Variants in CDH13 observed in about 807,000 individuals in gnomAD.
CDH13 encodes the protein cadherin-13.
A neutral mutation model predicts 63.8 loss-of-function variants in CDH13; 24 were observed. The observed-to-expected ratio is 0.38, with a 90% confidence interval of 0.27 to 0.53. The LOEUF is 0.53. Among genes scored for constraint, CDH13 ranks in the 20% least tolerant of loss-of-function variants. The pLI, the probability that CDH13 is intolerant of heterozygous loss-of-function variation, is 0.85. For synonymous variants in CDH13, 503 were observed against 355.3 expected (o/e 1.42, Z -4.67); for missense variants, 1,049 against 903.1 (o/e 1.16, Z -2.07).
In CDH13 at chr16:82,660,629, A is replaced by G. The variant is rs534328598; in HGVS notation, c.45+33492A>G. On this transcript the variant is annotated intron_variant, in intron 1 of 13. Coordinates refer to ENST00000567109, the MANE Select transcript of CDH13 (RefSeq NM_001257.5). Reference sequence around the variant, plus strand: ...AGGGAAGCTTCCAGAAGGTTGAGTTATATTTAAGCCCTTTCACTGTATACC... The same window carrying G: ...AGGGAAGCTTCCAGAAGGTTGAGTTGTATTTAAGCCCTTTCACTGTATACC... Among the ~76,000 whole-genome samples the G allele has an allele frequency of 7.2e-5, 11 of 152,314 alleles. No individual in the cohort carries two copies. In the South Asian group the frequency reaches 2.1e-3, roughly 29 times the overall value.
chr16:83,682,655 C>T (rs983110701), intron 10 of CDH13, among the ~76,000 whole-genome samples: 2 of 152,284 alleles, frequency 1.3e-5, no homozygotes, highest in South Asian at 4.2e-4. Context: ...CTCACTCCTC[C>T]TCCTTCCTCT....
intron 1 of CDH13, among the ~76,000 whole-genome samples, chr16:82,810,116 A>G (rs2037367010): frequency 6.6e-6 from 1 of 152,222 alleles, no homozygotes; most frequent in Admixed American, 6.5e-5. Flanking sequence ...TCGAAGTAAG[A>G]AACCTTTTCT....
intron 5 of CDH13, among the ~76,000 whole-genome samples, chr16:83,241,164 C>A (rs1170774496): frequency 6.6e-6 from 1 of 152,148 alleles, no homozygotes; most frequent in Admixed American, 6.5e-5. Flanking sequence ...ACAGGATTTT[C>A]TTCTTTTTCA....
At chr16:83,013,062 C>T (rs1222127301) in intron 2 of CDH13, among the ~76,000 whole-genome samples, 3 of 152,186 alleles carry the variant, frequency 2.0e-5, no homozygotes, top group Non-Finnish European at 4.4e-5. Context: ...TAGAGCAGAT[C>T]TCTTGCAAAA....
At chr16:83,579,736 A>C (rs1905379082) in intron 7 of CDH13, among the ~76,000 whole-genome samples, 1 of 152,084 alleles carries the variant, frequency 6.6e-6, no homozygotes, top group African/African-American at 2.4e-5. Context: ...ATGGAGTCAC[A>C]GCCCTTGATA....
At chr16:82,993,187 A>G (rs966492553) in intron 2 of CDH13, among the ~76,000 whole-genome samples, 43 of 152,132 alleles carry the variant, frequency 2.8e-4, no homozygotes, top group Admixed American at 8.5e-4. Flanking sequence ...CTAACATTTT[A>G]TGACTATTCT....
At chr16:82,718,748 G>C (rs1052534153) in intron 1 of CDH13, among the ~76,000 whole-genome samples, 1 of 152,138 alleles carries the variant, frequency 6.6e-6, no homozygotes, top group African/African-American at 2.4e-5. Flanking sequence ...GATCTCGTGA[G>C]ACGATCACAA....
intron 9 of CDH13, among the ~76,000 whole-genome samples, chr16:83,673,486 G>A (rs566549051): frequency 6.6e-6 from 1 of 152,152 alleles, no homozygotes; most frequent in South Asian, 2.1e-4. Context: ...TCACCCACAT[G>A]TTACCCTTAA....
chr16:83,768,808 C>A (rs1914572691), intron 11 of CDH13, among the ~76,000 whole-genome samples: 1 of 151,956 alleles, frequency 6.6e-6, no homozygotes, highest in Non-Finnish European at 1.5e-5. Flanking sequence ...ACTCTCATCG[C>A]CATCTTGGTC....
chr16:83,693,826 G>A (rs1045281498), intron 10 of CDH13, among the ~76,000 whole-genome samples: 10 of 152,200 alleles, frequency 6.6e-5, no homozygotes, highest in Admixed American at 3.3e-4. Context: ...AAATTTATCA[G>A]TATTTTAAGA....
chr16:83,723,359 G>A (rs545538566), intron 10 of CDH13, among the ~76,000 whole-genome samples: 4 of 152,314 alleles, frequency 2.6e-5, no homozygotes, highest in Admixed American at 2.6e-4. Flanking sequence ...AGATACTAAA[G>A]GGCTGAGCCA....
At chr16:82,922,578 C>G (rs963422330) in intron 2 of CDH13, among the ~76,000 whole-genome samples, 26 of 152,178 alleles carry the variant, frequency 1.7e-4, no homozygotes, top group African/African-American at 5.8e-4. Context: ...GCTGCTATAA[C>G]AGGTATGCCT....
At position 83,278,689 on chromosome 16, in the gene CDH13, T is replaced by G. The variant is rs527608264; in HGVS notation, c.636+61192T>G. Among the ~76,000 whole-genome samples, 11 of 152,288 alleles carry G rather than the reference T, an allele frequency of 7.2e-5. No individual in the cohort carries two copies. The East Asian group carries it at 2.1e-3, about 29-fold the overall frequency. ...TTGAGGTGGCATTATTCCAGGGTAG[T>G]CTTTCATATGTCAGCAGAGAAGAGA... On this transcript the variant is annotated intron_variant, in intron 5 of 13. Coordinates refer to ENST00000567109, the MANE Select transcript of CDH13 (RefSeq NM_001257.5).
chr16:83,702,093 C>T (rs1567529452), intron 10 of CDH13, among the ~76,000 whole-genome samples: 1 of 152,314 alleles, frequency 6.6e-6, no homozygotes, highest in East Asian at 1.9e-4. Context: ...TGTAATCTGT[C>T]AAGAATCATC....
chr16:83,627,530 T>G (rs1248676148), intron 8 of CDH13, among the ~76,000 whole-genome samples: 1 of 152,078 alleles, frequency 6.6e-6, no homozygotes, highest in Admixed American at 6.5e-5. Context: ...TGCGAGGAAT[T>G]TGGATAGTTT....
intron 1 of CDH13, among the ~76,000 whole-genome samples, chr16:82,815,472 G>A (rs1206053274): frequency 6.6e-6 from 1 of 152,160 alleles, no homozygotes; most frequent in African/African-American, 2.4e-5. Context: ...TGTGTGTCAG[G>A]TGCTCAGAAC....
intron 1 of CDH13, among the ~76,000 whole-genome samples, chr16:82,677,773 C>T (rs1914098849): frequency 6.6e-6 from 1 of 152,178 alleles, no homozygotes; most frequent in Non-Finnish European, 1.5e-5. Flanking sequence ...CTACAATCTA[C>T]ATTTCCCCCT....
At chr16:83,481,758 C>T (rs2073770992) in intron 6 of CDH13, among the ~76,000 whole-genome samples, 1 of 152,258 alleles carries the variant, frequency 6.6e-6, no homozygotes, top group Non-Finnish European at 1.5e-5. Flanking sequence ...TTTATTTTGT[C>T]ACTCAGGAGA....
chr16:83,070,340 A>T (rs547350855), intron 3 of CDH13, among the ~76,000 whole-genome samples: 1 of 152,308 alleles, frequency 6.6e-6, no homozygotes, highest in East Asian at 1.9e-4. Context: ...CCTTCTGGCC[A>T]TAAGTACCAA....
Sources: gnomAD v4.1 joint callset for allele counts (sites outside exome capture counted in the v4.1 genomes callset) on GRCh38, gnomAD v4.1.1 for gene constraint, MANE v1.5 for transcripts, NCBI Gene and HGNC (gene_info 2026-07-23, HGNC 2026-07-21) for gene names.